Variants in ZBTB46 observed in about 807,000 individuals in gnomAD.
ZBTB46 encodes the protein zinc finger and BTB domain-containing protein 46.
A neutral mutation model predicts 44.1 loss-of-function variants in ZBTB46; 8 were observed. The ratio of observed to expected loss-of-function variants is 0.18; its 90% CI spans 0.11 to 0.33. The LOEUF is 0.33. Among genes scored for constraint, ZBTB46 ranks in the 10% least tolerant of loss-of-function variants. ZBTB46 has a pLI of 1.00. For synonymous variants in ZBTB46, 409 were observed against 382.3 expected (o/e 1.07, Z -0.81); for missense variants, 651 against 847.7 (o/e 0.77, Z 2.88).
intron 1 of ZBTB46, among the ~76,000 whole-genome samples, chr20:63,795,835 C>T (rs753401545): frequency 6.6e-6 from 1 of 152,244 alleles, no homozygotes; most frequent in Non-Finnish European, 1.5e-5. Flanking sequence ...GCCGAATGCG[C>T]ATAGGAACGG....
chr20:63,757,521 G>C (rs2092231267), intron 3 of ZBTB46, among the ~76,000 whole-genome samples: 1 of 151,890 alleles, frequency 6.6e-6, no homozygotes, highest in South Asian at 2.1e-4. Flanking sequence ...GGGCTTTCTG[G>C]TGCCTCACGG....
chr20:63,778,431 G>T (rs2092442155), intron 2 of ZBTB46, among the ~76,000 whole-genome samples: 1 of 152,236 alleles, frequency 6.6e-6, no homozygotes, highest in Non-Finnish European at 1.5e-5. Flanking sequence ...GTCGTTGACA[G>T]GAATCGGGAT....
chr20:63,743,882 A>G lies in ZBTB46; in HGVS notation c.*3048T>C, dbSNP rs1471229311. The G allele has an allele frequency of 6.6e-6, 1 of 152,558 alleles. No homozygotes were observed. Among genetic ancestry groups the G allele is most frequent in the Non-Finnish European group, 1.5e-5 (1 of 68,026 alleles). The allele number at this position is 152,558 out of a possible 1,614,324, so 9.5% of individuals were successfully genotyped here. Reference sequence around the variant, plus strand: ...AGAACCTCTTCCCCCAATAGTAGACACATCTCCAATACAAACACAGGTTTA... The same window carrying G: ...AGAACCTCTTCCCCCAATAGTAGACGCATCTCCAATACAAACACAGGTTTA... On this transcript the variant is annotated 3_prime_UTR_variant, in exon 5 of 5. Transcript: ENST00000245663.
upstream of ZBTB46, among the ~76,000 whole-genome samples, chr20:63,832,379 C>G (rs2092856567): frequency 1.3e-5 from 2 of 152,008 alleles, no homozygotes; most frequent in Non-Finnish European, 2.9e-5. The surrounding 1 kb of genome is among the most constrained non-coding windows in gnomAD (Gnocchi z 5.0). Flanking sequence ...GGAGTCGAGC[C>G]CGGCCCGGCC....
intron 1 of ZBTB46, chr20:63,791,066 G>A (rs1019115477): frequency 3.8e-5 from 13 of 342,950 alleles, no homozygotes; most frequent in South Asian, 2.3e-4. Flanking sequence ...TCCCACATAC[G>A]GCAACTGGCA....
chr20:63,815,921 G>A (rs1246317778), intron 1 of ZBTB46, among the ~76,000 whole-genome samples: 25 of 149,134 alleles, frequency 1.7e-4, no homozygotes, highest in African/African-American at 5.7e-4. Flanking sequence ...ACACAGGTGG[G>A]CACAGGTGCA....
intron 3 of ZBTB46, among the ~76,000 whole-genome samples, chr20:63,754,199 C>T (rs1281335219): frequency 6.6e-6 from 1 of 152,230 alleles, no homozygotes; most frequent in Non-Finnish European, 1.5e-5. Flanking sequence ...CCGCACATCC[C>T]CCGAGTGGCT....
At chr20:63,782,821 T>C (rs1049570761) in intron 2 of ZBTB46, among the ~76,000 whole-genome samples, 1 of 152,178 alleles carries the variant, frequency 6.6e-6, no homozygotes, top group Non-Finnish European at 1.5e-5. Context: ...AAAAGTTCAG[T>C]TGGCCAGGCA....
intron 1 of ZBTB46, among the ~76,000 whole-genome samples, chr20:63,812,875 C>T (rs2092725627): frequency 6.6e-6 from 1 of 152,114 alleles, no homozygotes; most frequent in Admixed American, 6.5e-5. Flanking sequence ...GCAGGTGGAT[C>T]ATGAGGTCAA....
intron 1 of ZBTB46, among the ~76,000 whole-genome samples, chr20:63,818,719 A>G (rs1365407070): frequency 6.6e-6 from 1 of 151,672 alleles, no homozygotes; most frequent in Non-Finnish European, 1.5e-5. Context: ...TTAGCCGGGC[A>G]TGGTGGCAGA....
Position 63,769,935 on chromosome 20 carries a change from G to A in ZBTB46, c.1222+5743C>T, listed in dbSNP as rs139715564. On this transcript the variant is annotated intron_variant, in intron 3 of 4. Coordinates refer to ENST00000245663, the MANE Select transcript of ZBTB46 (RefSeq NM_001369741.1). ...GGCCCAGCCGCTCCGCCATCTCCAC[G>A]GCCACCTTCTCCAGTAACGAGCTGG... Among the ~76,000 whole-genome samples, 186 of 152,214 alleles carry A rather than the reference G, an allele frequency of 1.2e-3. 1 individual carries two copies. Among genetic ancestry groups the A allele is most frequent in the African/African-American group, 4.0e-3 (166 of 41,528 alleles).
intron 2 of ZBTB46, among the ~76,000 whole-genome samples, chr20:63,776,781 G>C (rs1274160874): frequency 6.7e-6 from 1 of 149,436 alleles, no homozygotes; most frequent in African/African-American, 2.5e-5. Context: ...TCTAGCCTGG[G>C]CGACAGAACA....
upstream of ZBTB46, among the ~76,000 whole-genome samples, chr20:63,832,135 C>A (rs1438883569): frequency 6.6e-6 from 1 of 151,996 alleles, no homozygotes; most frequent in Non-Finnish European, 1.5e-5. The surrounding 1 kb of genome is among the most constrained non-coding windows in gnomAD (Gnocchi z 5.0). Flanking sequence ...GCCCGGGCCT[C>A]GCCCCAGCCC....
intron 4 of ZBTB46, among the ~76,000 whole-genome samples, chr20:63,748,377 G>GGC (rs1326529023): frequency 2.6e-5 from 4 of 152,218 alleles, no homozygotes; most frequent in African/African-American, 9.6e-5. Context: ...GGGGACATGT[G>GGC]GCCCCAGGTG....
At chr20:63,800,603 G>A (rs1373251778) in intron 1 of ZBTB46, among the ~76,000 whole-genome samples, 2 of 152,248 alleles carry the variant, frequency 1.3e-5, no homozygotes, top group East Asian at 1.9e-4. Flanking sequence ...TGCGGCGCTT[G>A]CGGGCCAGCT....
At chr20:63,818,187 C>T (rs1053929041) in intron 1 of ZBTB46, among the ~76,000 whole-genome samples, 5 of 152,340 alleles carry the variant, frequency 3.3e-5, no homozygotes, top group Non-Finnish European at 7.3e-5. Context: ...TGGACAAGGG[C>T]GCTGGGGTGA....
Position 63,744,169 on chromosome 20 carries a change from A to G in ZBTB46, c.*2761T>C, listed in dbSNP as rs1390701660. ...TCTTAAGAGTCGCACATGTCACAGA[A>G]TGAGCTAAAATAAGATTACTTCTTT... On this transcript the variant is annotated 3_prime_UTR_variant, in exon 5 of 5. Coordinates refer to ENST00000245663, the MANE Select transcript of ZBTB46 (RefSeq NM_001369741.1). 1 of 152,240 alleles carries G rather than the reference A, an allele frequency of 6.6e-6. No homozygotes were observed. The highest frequency in any genetic ancestry group is 2.4e-5 in the African/African-American group (1 of 41,464). The allele number at this position is 152,240 out of a possible 1,614,324, so 9.4% of individuals were successfully genotyped here.
At chr20:63,786,783 T>G (rs1288792942) in intron 2 of ZBTB46, among the ~76,000 whole-genome samples, 1 of 152,134 alleles carries the variant, frequency 6.6e-6, no homozygotes, top group East Asian at 1.9e-4. Flanking sequence ...GTGCTGGAAT[T>G]ACAGGCGTGA....
upstream of ZBTB46, among the ~76,000 whole-genome samples, chr20:63,832,898 C>T (rs1245519982): frequency 6.6e-6 from 1 of 152,130 alleles, no homozygotes; most frequent in Non-Finnish European, 1.5e-5. The surrounding 1 kb of genome is among the most constrained non-coding windows in gnomAD (Gnocchi z 5.0). Context: ...TGCAGGAGCC[C>T]CCACCTGCCC....
Sources: gnomAD v4.1 joint callset for allele counts (sites outside exome capture counted in the v4.1 genomes callset) on GRCh38, gnomAD v4.1.1 for gene constraint, Gnocchi (gnomAD v3.1) non-coding constraint, MANE v1.5 for transcripts, NCBI Gene and HGNC (gene_info 2026-07-23, HGNC 2026-07-21) for gene names.